Variants in LRRIQ3 observed in about 807,000 individuals in gnomAD.
LRRIQ3 encodes the protein leucine rich repeats and IQ motif containing 3.
In LRRIQ3, 75 loss-of-function variants were observed where a neutral mutation model predicts 59.3. The observed-to-expected ratio is 1.26, with a 90% CI of 1.05 to 1.53. LRRIQ3 has a LOEUF of 1.53. LRRIQ3 is among the 40% of genes most tolerant of loss of function. The pLI is 0.00. For synonymous variants in LRRIQ3, 250 were observed against 231.3 expected (o/e 1.08, Z -0.73); for missense variants, 831 against 710.0 (o/e 1.17, Z -1.94).
chr1:74,062,639 G>A (rs1165210341), intron 6 of LRRIQ3, among the ~76,000 whole-genome samples: 3 of 152,084 alleles, frequency 2.0e-5, no homozygotes, highest in Non-Finnish European at 4.4e-5. Flanking sequence ...TACACAACAT[G>A]GAATACCATG....
At chr1:74,165,977 A>C (rs183790732) in intron 3 of LRRIQ3, among the ~76,000 whole-genome samples, 1 of 151,616 alleles carries the variant, frequency 6.6e-6, no homozygotes, top group Non-Finnish European at 1.5e-5. Context: ...ATATTTTTAA[A>C]GATTTCTATG....
chr1:74,100,059 C>A (rs1010931447), intron 5 of LRRIQ3, among the ~76,000 whole-genome samples: 50 of 151,990 alleles, frequency 3.3e-4, no homozygotes, highest in African/African-American at 1.2e-3. Flanking sequence ...CTGGCCAGGG[C>A]AATCAGGCAG....
At chr1:74,175,496 T>G (rs6669238) in intron 3 of LRRIQ3, among the ~76,000 whole-genome samples, 2,171 of 152,216 alleles carry the variant, frequency 0.014, 50 homozygotes, top group African/African-American at 0.049. Flanking sequence ...CCCCACTGGA[T>G]AAATGGGAGG....
chr1:74,088,265 A>C (rs555433765), intron 5 of LRRIQ3, among the ~76,000 whole-genome samples: 4 of 152,138 alleles, frequency 2.6e-5, no homozygotes, highest in Non-Finnish European at 5.9e-5. Flanking sequence ...CACAACATTC[A>C]TACACATGGG....
chr1:74,124,036 C>T (rs1350097888), intron 4 of LRRIQ3, among the ~76,000 whole-genome samples: 1 of 151,788 alleles, frequency 6.6e-6, no homozygotes, highest in Non-Finnish European at 1.5e-5. Context: ...TTGTTTTTGC[C>T]TGTCTCTGAT....
At chr1:74,101,317 A>G (rs1274905197) in intron 5 of LRRIQ3, among the ~76,000 whole-genome samples, 1 of 152,230 alleles carries the variant, frequency 6.6e-6, no homozygotes, top group Non-Finnish European at 1.5e-5. Flanking sequence ...AATGCTCATC[A>G]TCACTGGCCA....
intron 4 of LRRIQ3, among the ~76,000 whole-genome samples, chr1:74,144,184 C>A (rs1647407028): frequency 6.6e-6 from 1 of 151,876 alleles, no homozygotes; most frequent in African/African-American, 2.4e-5. Flanking sequence ...AATTAGCTAA[C>A]TTCCTAGTCC....
intron 4 of LRRIQ3, among the ~76,000 whole-genome samples, chr1:74,141,583 T>A (rs563817210): frequency 1.4e-4 from 22 of 152,036 alleles, no homozygotes; most frequent in African/African-American, 5.1e-4. Context: ...TCAATAATTA[T>A]TTATTAAGAT....
At chr1:74,195,637 T>A (rs1651066388) in intron 1 of LRRIQ3, among the ~76,000 whole-genome samples, 1 of 152,186 alleles carries the variant, frequency 6.6e-6, no homozygotes, top group Non-Finnish European at 1.5e-5. Context: ...CCCAAATGCC[T>A]CCACAGAATA....
intron 5 of LRRIQ3, among the ~76,000 whole-genome samples, chr1:74,108,670 T>C (rs982721073): frequency 2.6e-5 from 4 of 151,824 alleles, no homozygotes; most frequent in Non-Finnish European, 4.4e-5. Flanking sequence ...TTATAGAATG[T>C]TCACTCCAGT....
rs1222405902 is a variant in LRRIQ3 at position 74,048,339 on chromosome 1, C to G, written c.998-6406G>C. The stretch of plus-strand genomic sequence containing the variant: ...TGATCCTAGCATGTCAATAATTCTT[C>G]TAATTTGGAGAGGGGAGTATAATGT... On this transcript the variant is annotated intron_variant, in intron 6 of 7. Transcript: ENST00000354431. 3.9e-5 allele frequency among the ~76,000 whole-genome samples: 6 copies of G among 152,238 alleles called. No homozygotes were observed. In the East Asian group the frequency reaches 1.2e-3, roughly 29 times the overall value.
intron 1 of LRRIQ3, among the ~76,000 whole-genome samples, chr1:74,195,432 G>A (rs546704660): frequency 1.3e-5 from 2 of 152,284 alleles, no homozygotes; most frequent in African/African-American, 2.4e-5. Flanking sequence ...CCACACAACA[G>A]TCATAGTTAT....
At chr1:74,106,481 T>A (rs1392946502) in intron 5 of LRRIQ3, among the ~76,000 whole-genome samples, 1 of 152,124 alleles carries the variant, frequency 6.6e-6, no homozygotes, top group East Asian at 1.9e-4. Flanking sequence ...TCTCTCACAC[T>A]ATATTCCTTC....
chr1:74,085,358 T>C (rs1251781219), intron 5 of LRRIQ3, among the ~76,000 whole-genome samples: 1 of 145,814 alleles, frequency 6.9e-6, no homozygotes, highest in East Asian at 2.0e-4. Context: ...CAACCTGCCA[T>C]AAAATGGCTA....
rs938179918 is a variant in LRRIQ3, at chr1:74,187,329, G to GAT, written c.1-3647_1-3646dup. ...TAAAAAAATGTGAGAGAGATATATAGATATATATATATAGGTATATGTTTA... is the reference window on the plus strand; with the variant it reads ...TAAAAAAATGTGAGAGAGATATATAGATATATATATATATAGGTATATGTTTA... On this transcript the variant is annotated intron_variant, in intron 1 of 7. Transcript: ENST00000354431. 4.2e-4 allele frequency among the ~76,000 whole-genome samples: 61 copies of GAT among 145,444 alleles called. 1 individual carries two copies. The highest frequency in any genetic ancestry group is 1.6e-3 in the South Asian group (7 of 4,400).
At chr1:74,175,636 T>C (rs964961602) in intron 3 of LRRIQ3, among the ~76,000 whole-genome samples, 1 of 152,120 alleles carries the variant, frequency 6.6e-6, no homozygotes, top group African/African-American at 2.4e-5. Context: ...TGCTGTAACC[T>C]CTCCCCTGGG....
chr1:74,059,126 T>A (rs1654625633), intron 6 of LRRIQ3, among the ~76,000 whole-genome samples: 1 of 151,138 alleles, frequency 6.6e-6, no homozygotes, highest in African/African-American at 2.4e-5. Flanking sequence ...TTGCAAATAT[T>A]TTATCTTACT....
chr1:74,195,415 A>G (rs1255398729), intron 1 of LRRIQ3, among the ~76,000 whole-genome samples: 1 of 152,214 alleles, frequency 6.6e-6, no homozygotes, highest in Non-Finnish European at 1.5e-5. Context: ...ATTCTTCTCT[A>G]TAATTTCCAC....
chr1:74,055,359 C>G (rs1654501298), intron 6 of LRRIQ3, among the ~76,000 whole-genome samples: 1 of 151,758 alleles, frequency 6.6e-6, no homozygotes, highest in East Asian at 1.9e-4. Context: ...TTCTTGTTCC[C>G]CCCTCTCTTC....
Sources: gnomAD v4.1 joint callset for allele counts (sites outside exome capture counted in the v4.1 genomes callset) on GRCh38, gnomAD v4.1.1 for gene constraint, MANE v1.5 for transcripts, NCBI Gene and HGNC (gene_info 2026-07-23, HGNC 2026-07-21) for gene names.